The following TRIM6 variants were observed in gnomAD, a reference collection of about 807,000 sequenced individuals.
The protein encoded by TRIM6 is tripartite motif-containing protein 6.
TRIM6 carries 43 observed loss-of-function variants against 51.2 expected under a neutral mutation model. The ratio of observed to expected loss-of-function variants is 0.84; its 90% CI spans 0.66 to 1.08. TRIM6 has a LOEUF of 1.08. Among genes scored for constraint, TRIM6 ranks in the 50% least tolerant of loss-of-function variants. The probability of loss-of-function intolerance (pLI) is 0.00; values close to 1 mark genes in which losing one functional copy is unlikely to be tolerated. For synonymous variants in TRIM6, 215 were observed against 232.4 expected (o/e 0.93, Z 0.68); for missense variants, 669 against 619.0 (o/e 1.08, Z -0.86).
At chr11:5,598,983 G>A (rs1468448302) in intron 1 of TRIM6, among the ~76,000 whole-genome samples, 1 of 151,902 alleles carries the variant, frequency 6.6e-6, no homozygotes, top group Non-Finnish European at 1.5e-5. Flanking sequence ...CCCACTCCTG[G>A]GCCCTGGCTT....
intron 1 of TRIM6, among the ~76,000 whole-genome samples, chr11:5,601,265 A>C (rs1847826879): frequency 6.6e-6 from 1 of 152,208 alleles, no homozygotes; most frequent in South Asian, 2.1e-4. Flanking sequence ...GAAGCTTTGA[A>C]CTAGCACCCT....
chr11:5,608,542 C>T (rs1187561780), intron 5 of TRIM6, 148 bp downstream of exon 5: 1 of 1,306,800 alleles, frequency 7.7e-7, no homozygotes, highest in Non-Finnish European at 1.0e-6. Context: ...TTTGGCATCC[C>T]CAAATAAAGG....
At chr11:5,603,097 G>T in intron 1 of TRIM6, 149 bp from the exon 2 acceptor site, 1 of 1,354,484 alleles carries the variant, frequency 7.4e-7, no homozygotes, top group Non-Finnish European at 9.9e-7. Flanking sequence ...CCTTGTATGA[G>T]CCGGGATAAA....
chr11:5,605,636 G>A, intron 4 of TRIM6, 69 bp downstream of exon 4: 2 of 1,506,084 alleles, frequency 1.3e-6, no homozygotes, highest in South Asian at 1.3e-5. Flanking sequence ...TTCCTTTCTG[G>A]GACATCAGAC....
chr11:5,610,384 A>G (rs1410364763), intron 6 of TRIM6, 139 bp downstream of exon 6: 1 of 1,567,752 alleles, frequency 6.4e-7, no homozygotes, highest in East Asian at 2.2e-5. Flanking sequence ...TGTGCTGAAG[A>G]AGATGCGGTT....
At chr11:5,604,509 C>G (rs765785109) in intron 2 of TRIM6, 25 bp from the exon 3 acceptor site, 1 of 1,604,406 alleles carries the variant, frequency 6.2e-7, no homozygotes, top group South Asian at 1.1e-5. Context: ...CTTGATCCTG[C>G]TTGACCTGAT....
intron 5 of TRIM6, among the ~76,000 whole-genome samples, chr11:5,608,856 T>C (rs1461426248): frequency 7.0e-6 from 1 of 143,516 alleles, no homozygotes; most frequent in Non-Finnish European, 1.5e-5. Flanking sequence ...AATTTTTTTT[T>C]TTTTTTTTTT....
Position 5,603,247 on chromosome 11 carries a change from AT to A in TRIM6, c.21del (p.Leu8TyrfsTer7). MCGSER[I>X]LQAGNILEIR... ...TTTTTTGTTTGTTCATCTACCTAGG[AT>A]TCTACAGGCAGGAAACATCTTAGAA... On this transcript the variant is annotated frameshift_variant and splice_region_variant, in exon 2 of 8. Coordinates refer to ENST00000380097, the MANE Select transcript of TRIM6 (RefSeq NM_001003818.3). LOFTEE classifies it high-confidence loss of function. 1 of 1,612,958 alleles carries A rather than the reference AT, an allele frequency of 6.2e-7. No individual in the cohort carries two copies. The highest frequency in any genetic ancestry group is 8.5e-7 in the Non-Finnish European group (1 of 1,179,368).
At chr11:5,598,674 T>G (rs1229841506) in intron 1 of TRIM6, among the ~76,000 whole-genome samples, 3 of 152,228 alleles carry the variant, frequency 2.0e-5, no homozygotes, top group Non-Finnish European at 4.4e-5. Flanking sequence ...GCAACCCATT[T>G]CTGAGTAGCC....
rs187751813 is a variant in TRIM6 at position 5,605,416 on chromosome 11, G to A, written c.683G>A (p.Arg228Gln). The A allele has an allele frequency of 2.4e-5, 38 of 1,614,144 alleles. No homozygotes were observed. The highest frequency in any genetic ancestry group is 2.2e-4 in the East Asian group (10 of 44,874). The change falls in exon 4 of 8, where the codon CGG becomes CAG. Residue 228 changes from arginine to glutamine, a missense_variant. By Grantham distance (43) the Arg-to-Gln change is conservative. Transcript: ENST00000380097. ...AATATCCTAGACAGAGTGGAGCAAC[G>A]GGAGCTGAAAAAGCTGGAACAGGAA... The part of the protein sequence containing the change: ...LRNILDRVEQ[R>Q]ELKKLEQEEK...
Position 5,604,653 on chromosome 11 carries a change from T to C in TRIM6, c.603+24T>C, listed in dbSNP as rs745862212. The C allele has an allele frequency of 3.7e-6, 6 of 1,605,582 alleles. No homozygotes were observed. The East Asian group carries it at 8.9e-5, about 24-fold the overall frequency. On this transcript the variant is annotated intron_variant, in intron 3 of 7. Coordinates refer to ENST00000380097, the MANE Select transcript of TRIM6 (RefSeq NM_001003818.3). ...AGGCAAGGGAGACTTTTTCTGAAGA[T>C]GTCCTGGGGCAGGAATCATGGCAGG...
Position 5,603,504 on chromosome 11 carries a change from G to A in TRIM6, c.276G>A (p.Gln92=), listed in dbSNP as rs1411614148. 24 of 1,614,004 alleles carry A rather than the reference G, an allele frequency of 1.5e-5. No individual in the cohort carries two copies. Among genetic ancestry groups the A allele is most frequent in the Non-Finnish European group, 1.9e-5 (22 of 1,180,034 alleles). ...GCCCTGTGTGCCAGACCAGCTACCA[G>A]CCAGGGAACCTGCGGCCTAATCGGC... ...RSCPVCQTSY[Q]PGNLRPNRHL... Residue 92 remains glutamine, a synonymous_variant, in exon 2 of 8, where the codon CAG becomes CAA. Coordinates refer to ENST00000380097, the MANE Select transcript of TRIM6 (RefSeq NM_001003818.3).
chr11:5,601,162 C>T (rs937803895), intron 1 of TRIM6, among the ~76,000 whole-genome samples: 1 of 152,188 alleles, frequency 6.6e-6, no homozygotes, highest in African/African-American at 2.4e-5. Flanking sequence ...TAGGATCTCT[C>T]TCATTTCCAT....
chr11:5,610,528 A>G lies in TRIM6; in HGVS notation c.959-7A>G, dbSNP rs1225536366. On this transcript the variant is annotated splice_polypyrimidine_tract_variant and splice_region_variant and intron_variant, in intron 6 of 7. Coordinates refer to ENST00000380097, the MANE Select transcript of TRIM6 (RefSeq NM_001003818.3). ...TTCAACATTATTGACTCTTTTCATC[A>G]TTACAGAGCTGACAGATGTCCAAAG... 1.2e-6 allele frequency: 2 copies of G among 1,614,120 alleles called. No homozygotes were observed.
chr11:5,597,155 C>A (rs144298711), intron 1 of TRIM6, among the ~76,000 whole-genome samples: 1 of 152,210 alleles, frequency 6.6e-6, no homozygotes, highest in African/African-American at 2.4e-5. Flanking sequence ...AATCCTGACT[C>A]TGACAGACAC....
intron 2 of TRIM6, 125 bp downstream of exon 2, chr11:5,603,860 C>T (rs1026016634): frequency 6.9e-6 from 10 of 1,443,260 alleles, no homozygotes; most frequent in Non-Finnish European, 9.2e-6. Flanking sequence ...CTGGAAACTG[C>T]CTCCCTGATT....
At chr11:5,602,011 C>A (rs1847887326) in intron 1 of TRIM6, among the ~76,000 whole-genome samples, 1 of 152,054 alleles carries the variant, frequency 6.6e-6, no homozygotes, top group African/African-American at 2.4e-5. Context: ...CTCATTCATC[C>A]AAAGTTGAGG....
intron 2 of TRIM6, 147 bp downstream of exon 2, chr11:5,603,882 CT>C: frequency 1.4e-6 from 2 of 1,420,806 alleles, no homozygotes; most frequent in Non-Finnish European, 9.3e-7. Context: ...AGAATAGATT[CT>C]TTATCATTTA....
Position 5,603,637 on chromosome 11 carries a change from CAGG to C in TRIM6, c.414_416del (p.Glu138del). The stretch of plus-strand genomic sequence containing the variant: ...TGGAGAAAAACTGCAGCTCTTCTGT[CAGG>C]AGGATGGGAAGGTCATTTGCTGGCT... On this transcript the variant is annotated inframe_deletion, in exon 2 of 8. Transcript: ENST00000380097. 3 of 1,613,390 alleles carry C rather than the reference CAGG, an allele frequency of 1.9e-6. No homozygotes were observed. The highest frequency in any genetic ancestry group is 2.5e-6 in the Non-Finnish European group (3 of 1,179,952).
Sources: gnomAD v4.1 joint callset for allele counts (sites outside exome capture counted in the v4.1 genomes callset) on GRCh38, gnomAD v4.1.1 for gene constraint, MANE v1.5 for transcripts, NCBI Gene and HGNC (gene_info 2026-07-23, HGNC 2026-07-21) for gene names.